Variants in MACROD2 observed in about 807,000 individuals in gnomAD.
MACROD2 encodes mono-ADP ribosylhydrolase 2, also known as ADP-ribose glycohydrolase MACROD2.
In MACROD2, 36 loss-of-function variants were observed where a neutral mutation model predicts 70.4. That is an observed-to-expected ratio of 0.51 (90% CI 0.39 to 0.68). The LOEUF (loss-of-function observed/expected upper bound fraction) is 0.68. Ranked by LOEUF, MACROD2 falls within the 30% of genes least tolerant of loss-of-function variation. The pLI, the probability that MACROD2 is intolerant of heterozygous loss-of-function variation, is 0.00. For synonymous variants in MACROD2, 172 were observed against 178.8 expected (o/e 0.96, Z 0.30); for missense variants, 496 against 538.4 (o/e 0.92, Z 0.78).
At chr20:15,555,855 GGAAAA>G (rs1418621843) in intron 8 of MACROD2, among the ~76,000 whole-genome samples, 36 of 92,380 alleles carry the variant, frequency 3.9e-4, no homozygotes, top group South Asian at 7.3e-4. Context: ...AAAAAAAAAA[GGAAAA>G]GAAAAGAAAA....
chr20:15,882,702 TG>T (rs1370324090), intron 9 of MACROD2, among the ~76,000 whole-genome samples: 1 of 152,068 alleles, frequency 6.6e-6, no homozygotes, highest in Non-Finnish European at 1.5e-5. Context: ...TGGTTTGTCC[TG>T]GAAGTAAACC....
chr20:14,901,610 A>G (rs1363384267), intron 5 of MACROD2, among the ~76,000 whole-genome samples: 1 of 152,192 alleles, frequency 6.6e-6, no homozygotes, highest in Non-Finnish European at 1.5e-5. Flanking sequence ...TTGTGTCACA[A>G]TAATGTTCAG....
chr20:15,384,761 T>A (rs1600330305), intron 6 of MACROD2, among the ~76,000 whole-genome samples: 1 of 152,238 alleles, frequency 6.6e-6, no homozygotes, highest in African/African-American at 2.4e-5. Context: ...TTATTTTGGC[T>A]TGTATGTGTG....
intron 15 of MACROD2, among the ~76,000 whole-genome samples, chr20:16,033,831 G>T (rs1383961746): frequency 6.7e-6 from 1 of 149,814 alleles, no homozygotes; most frequent in East Asian, 2.1e-4. Context: ...GCAGACTTGA[G>T]GTTCAGAACC....
chr20:15,129,607 A>G (rs973228565), intron 5 of MACROD2, among the ~76,000 whole-genome samples: 11 of 152,100 alleles, frequency 7.2e-5, no homozygotes, highest in Non-Finnish European at 1.3e-4. Context: ...TTATATATCA[A>G]CTGTGTTTAA....
At chr20:15,677,420 G>A (rs1390484717) in intron 8 of MACROD2, among the ~76,000 whole-genome samples, 1 of 152,108 alleles carries the variant, frequency 6.6e-6, no homozygotes, top group Non-Finnish European at 1.5e-5. Flanking sequence ...TGGCCTATCA[G>A]CTTTGACATG....
At chr20:15,098,270 A>G (rs2075848394) in intron 5 of MACROD2, among the ~76,000 whole-genome samples, 1 of 152,170 alleles carries the variant, frequency 6.6e-6, no homozygotes, top group South Asian at 2.1e-4. Context: ...AGCAGGTCTC[A>G]CAGATTATGC....
intron 8 of MACROD2, among the ~76,000 whole-genome samples, chr20:15,824,493 C>T (rs1415677841): frequency 1.3e-5 from 2 of 151,980 alleles, no homozygotes; most frequent in African/African-American, 4.8e-5. Context: ...GTTTAGAAGG[C>T]GGGAAAGCAA....
intron 5 of MACROD2, among the ~76,000 whole-genome samples, chr20:15,021,063 T>G (rs775269574): frequency 6.9e-6 from 1 of 143,914 alleles, no homozygotes; most frequent in African/African-American, 2.5e-5. Flanking sequence ...TGTGCATATG[T>G]ATACACATGT....
At chr20:15,770,421 TG>T (rs1359608325) in intron 8 of MACROD2, among the ~76,000 whole-genome samples, 3 of 152,124 alleles carry the variant, frequency 2.0e-5, no homozygotes, top group Non-Finnish European at 2.9e-5. Flanking sequence ...TTCACTTCTC[TG>T]GGGAGATGAT....
At chr20:15,803,133 G>A (rs2063740628) in intron 8 of MACROD2, among the ~76,000 whole-genome samples, 2 of 152,052 alleles carry the variant, frequency 1.3e-5, no homozygotes, top group African/African-American at 2.4e-5. Context: ...GACTTAAAGA[G>A]GAGGGAATTC....
At chr20:15,922,658 C>G (rs2065427819) in intron 10 of MACROD2, among the ~76,000 whole-genome samples, 1 of 152,344 alleles carries the variant, frequency 6.6e-6, no homozygotes, top group African/African-American at 2.4e-5. Context: ...ATTTCACTGA[C>G]TGCCTCCAGG....
chr20:15,409,542 C>T (rs563523317), intron 6 of MACROD2, among the ~76,000 whole-genome samples: 1 of 152,276 alleles, frequency 6.6e-6, no homozygotes, highest in Non-Finnish European at 1.5e-5. Flanking sequence ...GCATACTTAC[C>T]TCATTTGAGG....
intron 10 of MACROD2, among the ~76,000 whole-genome samples, chr20:15,906,584 A>G (rs1044584325): frequency 7.9e-5 from 12 of 151,468 alleles, no homozygotes; most frequent in Non-Finnish European, 1.5e-4. Flanking sequence ...TTTTCCAATG[A>G]TGCTCCTTGT....
Position 15,969,986 on chromosome 20 carries a change from T to C in MACROD2, c.985+2356T>C, listed in dbSNP as rs146472259. Among the ~76,000 whole-genome samples the C allele has an allele frequency of 3.6e-3, 551 of 151,792 alleles. 3 individuals carry two copies. Among genetic ancestry groups the C allele is most frequent in the Non-Finnish European group, 3.2e-3 (216 of 67,906 alleles). On this transcript the variant is annotated intron_variant, in intron 13 of 17. Transcript: ENST00000684519. ...ACATGACCCATCATAGTAAAATTCC[T>C]GAAAACCAAAGATAAACAAAACATC...
chr20:15,911,963 G>A (rs1392656054), intron 10 of MACROD2, among the ~76,000 whole-genome samples: 2 of 152,192 alleles, frequency 1.3e-5, no homozygotes, highest in African/African-American at 4.8e-5. Flanking sequence ...CCGAGATCGT[G>A]CCATTGCACT....
chr20:15,462,935 A>G (rs1285944342), intron 7 of MACROD2, among the ~76,000 whole-genome samples: 8 of 152,234 alleles, frequency 5.3e-5, no homozygotes, highest in Admixed American at 4.6e-4. Context: ...ACAAGCCACT[A>G]TTCTATAGTA....
At chr20:14,706,714 G>A (rs1234902096) in intron 5 of MACROD2, among the ~76,000 whole-genome samples, 1 of 151,962 alleles carries the variant, frequency 6.6e-6, no homozygotes, top group Non-Finnish European at 1.5e-5. Context: ...TTCCTGAATT[G>A]ACTTTATCAC....
chr20:15,140,138 G>A (rs546784129), intron 5 of MACROD2, among the ~76,000 whole-genome samples: 6 of 152,130 alleles, frequency 3.9e-5, no homozygotes, highest in Non-Finnish European at 5.9e-5. Context: ...TACCCATGTC[G>A]TCCTCTATAC....
Sources: gnomAD v4.1 joint callset for allele counts (sites outside exome capture counted in the v4.1 genomes callset) on GRCh38, gnomAD v4.1.1 for gene constraint, MANE v1.5 for transcripts, NCBI Gene and HGNC (gene_info 2026-07-23, HGNC 2026-07-21) for gene names.